SOX6: variants seen among roughly 807,000 people sequenced by gnomAD.
The protein encoded by SOX6 is SRY-box transcription factor 6, also known as transcription factor SOX-6.
SOX6 carries 11 observed loss-of-function variants against 97.8 expected under a neutral mutation model. The ratio of observed to expected loss-of-function variants is 0.11; its 90% confidence interval spans 0.07 to 0.19. The LOEUF (loss-of-function observed/expected upper bound fraction) is 0.19. Ranked by LOEUF, SOX6 falls within the 10% of genes least tolerant of loss-of-function variation. The probability of loss-of-function intolerance (pLI) is 1.00; values close to 1 mark genes in which losing one functional copy is unlikely to be tolerated. For missense variants in SOX6, 810 were observed against 1,039.5 expected (o/e 0.78, Z 3.04); for synonymous variants, 360 against 371.4 (o/e 0.97, Z 0.35).
intron 4 of SOX6, among the ~76,000 whole-genome samples, chr11:16,203,354 G>A (rs1385712702): frequency 1.3e-5 from 2 of 152,066 alleles, no homozygotes; most frequent in African/African-American, 4.8e-5. Context: ...AAGCATTACA[G>A]CACTCTTCTA....
intron 4 of SOX6, among the ~76,000 whole-genome samples, chr11:16,574,710 C>A (rs1325116287): frequency 6.6e-6 from 1 of 152,024 alleles, no homozygotes; most frequent in African/African-American, 2.4e-5. Flanking sequence ...AACAACAGTT[C>A]ATATACAGAA....
At chr11:16,099,391 G>T (rs1848881140) in intron 7 of SOX6, among the ~76,000 whole-genome samples, 1 of 151,614 alleles carries the variant, frequency 6.6e-6, no homozygotes. Context: ...TTCTTTGGTA[G>T]ATATCAAGTT....
At chr11:16,510,289 C>T (rs1860858920) in intron 4 of SOX6, among the ~76,000 whole-genome samples, 1 of 152,054 alleles carries the variant, frequency 6.6e-6, no homozygotes, top group African/African-American at 2.4e-5. Flanking sequence ...TTTTTCAAAT[C>T]AAGAAAAGTT....
intron 1 of SOX6, among the ~76,000 whole-genome samples, chr11:16,377,650 G>A (rs1348601326): frequency 6.6e-6 from 1 of 152,010 alleles, no homozygotes; most frequent in Non-Finnish European, 1.5e-5. Flanking sequence ...TTATTATCTG[G>A]TTCCTGCACA....
chr11:16,158,901 T>C (rs1203349187), intron 6 of SOX6, among the ~76,000 whole-genome samples: 6 of 151,712 alleles, frequency 4.0e-5, no homozygotes, highest in Non-Finnish European at 5.9e-5. Context: ...TGTGTGTATC[T>C]GTGTGTTTGT....
At chr11:16,424,070 A>G (rs1859075354) in intron 1 of SOX6, among the ~76,000 whole-genome samples, 1 of 152,180 alleles carries the variant, frequency 6.6e-6, no homozygotes, top group Non-Finnish European at 1.5e-5. Context: ...ATCTCTAGTA[A>G]TCTGGAAGGC....
intron 1 of SOX6, among the ~76,000 whole-genome samples, chr11:16,427,583 G>A (rs1353479289): frequency 6.6e-6 from 1 of 151,662 alleles, no homozygotes; most frequent in African/African-American, 2.4e-5. Context: ...TGAGGTGTTT[G>A]GTTTTTTGTC....
intron 4 of SOX6, among the ~76,000 whole-genome samples, chr11:16,219,007 T>C (rs950703489): frequency 6.6e-6 from 1 of 152,096 alleles, no homozygotes; most frequent in Non-Finnish European, 1.5e-5. Flanking sequence ...CTTTCAGCAT[T>C]AGGGATCTTT....
At chr11:16,225,896 C>T (rs1227400099) in intron 4 of SOX6, among the ~76,000 whole-genome samples, 2 of 152,132 alleles carry the variant, frequency 1.3e-5, no homozygotes, top group Admixed American at 6.6e-5. Flanking sequence ...CCAAACCCAA[C>T]CATAATATGC....
chr11:16,150,009 T>C (rs2134054471), intron 6 of SOX6, among the ~76,000 whole-genome samples: 1 of 152,274 alleles, frequency 6.6e-6, no homozygotes, highest in African/African-American at 2.4e-5. Context: ...ATTAGGGAGT[T>C]TGGAAGCATT....
At chr11:16,272,072 A>C (rs78919316) in intron 3 of SOX6, among the ~76,000 whole-genome samples, 2 of 151,468 alleles carry the variant, frequency 1.3e-5, no homozygotes, top group Non-Finnish European at 3.0e-5. Context: ...GTTCTGTAAC[A>C]TTCAGATTAT....
At chr11:16,099,277 T>G (rs868622925) in intron 7 of SOX6, among the ~76,000 whole-genome samples, 1 of 151,922 alleles carries the variant, frequency 6.6e-6, no homozygotes, top group Non-Finnish European at 1.5e-5. Flanking sequence ...TTATTTTTTA[T>G]AGTAAATGAC....
In SOX6 at chr11:16,110,956, T is replaced by TA. The variant is rs1849214483; in HGVS notation, c.898+846dup. Among the ~76,000 whole-genome samples, 2 of 152,190 alleles carry TA rather than the reference T, an allele frequency of 1.3e-5. 1 individual carries two copies. Among genetic ancestry groups the TA allele is most frequent in the South Asian group, 4.1e-4 (2 of 4,828 alleles). On this transcript the variant is annotated intron_variant, in intron 7 of 15. Transcript: ENST00000683767. ...GGTAAATATAATCAGGTTAATATGT[T>TA]AAAAAGAACTTGACACAGAAATTAT...
intron 1 of SOX6, among the ~76,000 whole-genome samples, chr11:16,367,883 T>C (rs2134387614): frequency 6.6e-6 from 1 of 152,246 alleles, no homozygotes; most frequent in East Asian, 1.9e-4. Flanking sequence ...TCTAATACAG[T>C]AGGGAAAGTC....
At position 16,705,660 on chromosome 11, in the gene SOX6, A is replaced by C. The variant is rs188508231; in HGVS notation, n.429+9170T>G. ...AAAAAAACTATGTTAATGGGCATAC[A>C]ATGTATAAAGATTTAATCTGTGACA... On this transcript the variant is annotated intron_variant and non_coding_transcript_variant, in intron 3 of 5. Coordinates refer to the SOX6 transcript ENST00000524520. 7.2e-5 allele frequency among the ~76,000 whole-genome samples: 11 copies of C among 152,298 alleles called. No individual in the cohort carries two copies. In the East Asian group the frequency reaches 1.2e-3, roughly 16 times the overall value.
chr11:16,151,607 A>G (rs1850459295), intron 6 of SOX6, among the ~76,000 whole-genome samples: 1 of 152,164 alleles, frequency 6.6e-6, no homozygotes. Flanking sequence ...CCCATAATTT[A>G]TTGCTTCAGT....
At chr11:16,167,134 T>C (rs1850907361) in intron 6 of SOX6, among the ~76,000 whole-genome samples, 1 of 152,204 alleles carries the variant, frequency 6.6e-6, no homozygotes, top group African/African-American at 2.4e-5. Flanking sequence ...ACTAAACTTT[T>C]GATATTCTCC....
intron 6 of SOX6, among the ~76,000 whole-genome samples, 190 bp downstream of exon 6, chr11:16,183,696 A>G (rs1851399761): frequency 6.6e-6 from 1 of 152,110 alleles, no homozygotes; most frequent in East Asian, 1.9e-4. Flanking sequence ...ATCACATCAG[A>G]GAATAATGCT....
chr11:16,170,380 T>G (rs961869204), intron 6 of SOX6, among the ~76,000 whole-genome samples: 1 of 152,004 alleles, frequency 6.6e-6, no homozygotes, highest in African/African-American at 2.4e-5. Flanking sequence ...AAAAAAACCT[T>G]TCTATCATTC....
Sources: allele counts gnomAD v4.1 joint callset (sites outside exome capture counted in the v4.1 genomes callset), GRCh38; gene constraint gnomAD v4.1.1; transcripts MANE v1.5; gene names NCBI Gene and HGNC (gene_info 2026-07-23, HGNC 2026-07-21).